COL24A1: variants seen among roughly 807,000 people sequenced by gnomAD.
COL24A1 encodes collagen alpha-1(XXIV) chain.
In COL24A1, 224 loss-of-function variants were observed where a neutral mutation model predicts 253.9. The ratio of observed to expected loss-of-function variants is 0.88; its 90% CI spans 0.79 to 0.99. COL24A1 has a LOEUF of 0.99. Ranked by LOEUF, COL24A1 falls within the 50% of genes least tolerant of loss-of-function variation. The pLI is 0.00. For missense variants in COL24A1, 2,131 were observed against 2,068.5 expected, an observed-to-expected ratio of 1.03 and a Z score of -0.59; for synonymous variants, 685 against 673.7, an observed-to-expected ratio of 1.02 and a Z score of -0.26.
intron 47 of COL24A1, among the ~76,000 whole-genome samples, chr1:85,797,174 C>T (rs1193445729): frequency 6.9e-6 from 1 of 144,268 alleles, no homozygotes; most frequent in East Asian, 2.0e-4. Flanking sequence ...AACTACTGCA[C>T]TCCGGCCTGG....
chr1:85,925,077 T>C (rs933691717), intron 24 of COL24A1, among the ~76,000 whole-genome samples: 2 of 152,106 alleles, frequency 1.3e-5, no homozygotes, highest in African/African-American at 4.8e-5. Context: ...TCACAATTGC[T>C]TCAAAGAGAA....
At chr1:85,993,988 T>A (rs551379658) in intron 19 of COL24A1, among the ~76,000 whole-genome samples, 1 of 152,158 alleles carries the variant, frequency 6.6e-6, no homozygotes, top group East Asian at 1.9e-4. Flanking sequence ...TTTTGCAAGG[T>A]AGCTTTAAGA....
intron 32 of COL24A1, among the ~76,000 whole-genome samples, chr1:85,878,031 T>A (rs1681382340): frequency 6.6e-6 from 1 of 152,254 alleles, no homozygotes. Flanking sequence ...TTAAAGTTCC[T>A]TTATACATTT....
Position 85,987,587 on chromosome 1 carries a change from C to G in COL24A1, c.2364+14G>C. The G allele has an allele frequency of 6.2e-7, 1 of 1,605,258 alleles. No homozygotes were observed. Among genetic ancestry groups the G allele is most frequent in the Non-Finnish European group, 8.5e-7 (1 of 1,173,894 alleles). On this transcript the variant is annotated intron_variant, in intron 20 of 59. Coordinates refer to ENST00000370571, the MANE Select transcript of COL24A1 (RefSeq NM_152890.7). ...ACCATAATTGTTTAGTCTCTCTCTT[C>G]TTCTTCTTCTTACCTTTGGTCCTTC...
chr1:86,044,571 A>G (rs1292289696), intron 12 of COL24A1, among the ~76,000 whole-genome samples: 1 of 152,222 alleles, frequency 6.6e-6, no homozygotes, highest in Non-Finnish European at 1.5e-5. Flanking sequence ...AAAGCAATAA[A>G]ACTTTGAAAA....
At chr1:85,897,524 T>C (rs1159067901) in intron 28 of COL24A1, among the ~76,000 whole-genome samples, 1 of 151,814 alleles carries the variant, frequency 6.6e-6, no homozygotes, top group East Asian at 1.9e-4. Context: ...CAGGAATTAC[T>C]GGGAGATGGC....
chr1:85,830,661 T>G (rs542681147), intron 43 of COL24A1, among the ~76,000 whole-genome samples: 1 of 152,154 alleles, frequency 6.6e-6, no homozygotes, highest in Non-Finnish European at 1.5e-5. Context: ...AAGCGCAGTA[T>G]TCGGGTCAGA....
chr1:86,090,935 C>T (rs954560772), intron 6 of COL24A1, among the ~76,000 whole-genome samples: 1 of 151,970 alleles, frequency 6.6e-6, no homozygotes, highest in Non-Finnish European at 1.5e-5. Flanking sequence ...AAAGATAAAA[C>T]CAAGCATTTG....
Position 85,868,403 on chromosome 1 carries a change from T to C in COL24A1, c.3300+116A>G, listed in dbSNP as rs573351026. 3.5e-5 allele frequency: 22 copies of C among 622,608 alleles called. No homozygotes were observed. In the South Asian group the frequency reaches 5.5e-4, roughly 16 times the overall value. The allele number at this position is 622,608 out of a possible 1,614,324, so 38.6% of individuals were successfully genotyped here. ...CCTTCTCTCTAGCCACAGTTTCACA[T>C]ATACAATTATCCACTGGATATATAA... On this transcript the variant is annotated intron_variant, in intron 37 of 59. Transcript: ENST00000370571.
At chr1:85,745,618 C>G in intron 55 of COL24A1, 112 bp from the exon 56 acceptor site, 1 of 690,302 alleles carries the variant, frequency 1.4e-6, no homozygotes, top group South Asian at 2.5e-5. Context: ...GACTTATTAT[C>G]TGAAGGGGTT....
intron 37 of COL24A1, among the ~76,000 whole-genome samples, chr1:85,849,911 T>C (rs1204424593): frequency 6.6e-6 from 1 of 152,114 alleles, no homozygotes; most frequent in Non-Finnish European, 1.5e-5. Flanking sequence ...AAAATACATC[T>C]AGTACATGGT....
rs183619318 is a variant in COL24A1, at chr1:85,887,277, G to A, written c.2976+2283C>T. Among the ~76,000 whole-genome samples, 46 of 151,736 alleles carry A rather than the reference G, an allele frequency of 3.0e-4. No individual in the cohort carries two copies. The East Asian group carries it at 5.8e-3, about 19-fold the overall frequency. On this transcript the variant is annotated intron_variant, in intron 32 of 59. Coordinates refer to ENST00000370571, the MANE Select transcript of COL24A1 (RefSeq NM_152890.7). ...TTTTTTTCAACTTGTCTTCTGAAAC[G>A]GAAGAATAAATGAACAAAATAATAA...
intron 5 of COL24A1, among the ~76,000 whole-genome samples, chr1:86,111,150 G>T (rs1246363896): frequency 6.7e-6 from 1 of 148,922 alleles, no homozygotes; most frequent in East Asian, 2.0e-4. Flanking sequence ...GGGACTTAGA[G>T]AACTTTTATG....
chr1:85,925,800 A>C (rs547783436), intron 24 of COL24A1, among the ~76,000 whole-genome samples: 1 of 152,354 alleles, frequency 6.6e-6, no homozygotes, highest in Admixed American at 6.5e-5. Flanking sequence ...AAGCAAAGGC[A>C]ACAAAAGCCA....
intron 19 of COL24A1, 109 bp downstream of exon 19, chr1:86,017,042 C>T: frequency 9.5e-7 from 1 of 1,051,882 alleles, no homozygotes; most frequent in South Asian, 1.5e-5. Context: ...GAGATCTAAA[C>T]TTTAAAGAGG....
In COL24A1 at chr1:85,966,385, G is replaced by T. The variant is rs542466288; in HGVS notation, c.2464-1323C>A. Among the ~76,000 whole-genome samples the T allele has an allele frequency of 2.2e-4, 33 of 152,134 alleles. No individual in the cohort carries two copies. In the South Asian group the frequency reaches 6.4e-3, roughly 30 times the overall value. ...TTTATACAAGTCCAGAATTTAACTG[G>T]ATCAGTTAAATTCTTTCTAATCAGT... On this transcript the variant is annotated intron_variant, in intron 22 of 59. Coordinates refer to ENST00000370571, the MANE Select transcript of COL24A1 (RefSeq NM_152890.7).
At chr1:85,757,271 C>T (rs1263530824) in intron 55 of COL24A1, among the ~76,000 whole-genome samples, 1 of 152,010 alleles carries the variant, frequency 6.6e-6, no homozygotes, top group Non-Finnish European at 1.5e-5. Context: ...TCCCTTAGAC[C>T]AAACTATCCT....
chr1:86,052,938 C>T (rs183493450), intron 10 of COL24A1, among the ~76,000 whole-genome samples: 6 of 151,860 alleles, frequency 4.0e-5, no homozygotes, highest in Admixed American at 3.3e-4. Context: ...CCTGAAATTG[C>T]CTTATGTTCC....
intron 7 of COL24A1, among the ~76,000 whole-genome samples, chr1:86,081,359 A>G (rs192233512): frequency 5.3e-4 from 81 of 151,624 alleles, no homozygotes; most frequent in African/African-American, 1.8e-3. Flanking sequence ...TCCTTGTCCT[A>G]TTCATCACTA....
Sources: gnomAD v4.1 joint callset for allele counts (sites outside exome capture counted in the v4.1 genomes callset) on GRCh38, gnomAD v4.1.1 for gene constraint, MANE v1.5 for transcripts, NCBI Gene and HGNC (gene_info 2026-07-23, HGNC 2026-07-21) for gene names.